IFT172: variants seen among roughly 807,000 people sequenced by gnomAD.
IFT172 encodes the protein intraflagellar transport protein 172 homolog.
A neutral mutation model predicts 248.9 loss-of-function variants in IFT172; 164 were observed. The observed-to-expected ratio is 0.66, with a 90% CI of 0.58 to 0.75. The LOEUF (loss-of-function observed/expected upper bound fraction) is 0.75, where lower values mean the gene tolerates loss of function less well. Ranked by LOEUF, IFT172 falls within the 30% of genes least tolerant of loss-of-function variation. The pLI is 0.00. For synonymous variants in IFT172, 729 were observed against 791.6 expected, an observed-to-expected ratio of 0.92 and a Z score of 1.33; for missense variants, 1,950 against 2,192.4, an observed-to-expected ratio of 0.89 and a Z score of 2.21.
intron 7 of IFT172, 113 bp from the exon 8 acceptor site, chr2:27,481,373 TC>T: frequency 1.3e-6 from 1 of 754,870 alleles, no homozygotes; most frequent in South Asian, 1.7e-5. Flanking sequence ...AGAAATCTCT[TC>T]CAACATTTCC....
intron 5 of IFT172, 104 bp from the exon 6 acceptor site, chr2:27,483,763 T>C: frequency 6.9e-7 from 1 of 1,450,522 alleles, no homozygotes; most frequent in Non-Finnish European, 9.7e-7. Flanking sequence ...TCCCTATGCA[T>C]TCTCCCCAGT....
chr2:27,485,620 T>A lies in IFT172; in HGVS notation c.40-117A>T, dbSNP rs149148535. On this transcript the variant is annotated intron_variant, in intron 1 of 47. Transcript: ENST00000260570. The stretch of plus-strand genomic sequence containing the variant: ...CAATTTTCTTCCTGTCACGGTTCTA[T>A]CCTCAAAACAAAGAGATGCCTGTGG... 2.7e-4 allele frequency: 327 copies of A among 1,225,382 alleles called. 1 individual carries two copies. The African/African-American group carries it at 4.4e-3, about 16-fold the overall frequency. The allele number at this position is 1,225,382 out of a possible 1,614,324, so 75.9% of individuals were successfully genotyped here. A position where few individuals can be genotyped will look rare whatever the true frequency, so the allele number is the denominator to read the frequency against.
chr2:27,487,129 G>C (rs1212478457), intron 1 of IFT172, among the ~76,000 whole-genome samples: 2 of 152,002 alleles, frequency 1.3e-5, no homozygotes, highest in Non-Finnish European at 2.9e-5. Flanking sequence ...ATTTTTGGTA[G>C]AGACATGGTT....
intron 18 of IFT172, among the ~76,000 whole-genome samples, chr2:27,463,853 G>A (rs1666877900): frequency 1.3e-5 from 2 of 152,180 alleles, no homozygotes; most frequent in South Asian, 4.1e-4. Flanking sequence ...GGATGCCAGT[G>A]TGGTTGGAGA....
Position 27,458,798 on chromosome 2 carries a change from C to G in IFT172, c.2858G>C (p.Arg953Pro). ...DAIDMYTQAG[R>P]WEQAHKLAMK... ...CCCTACCTTGTGGGCTTGTTCCCAA[C>G]GACCAGCCTGGGTGTACATGTCTAT... Residue 953 changes from arginine (R) to proline (P), a missense_variant, in exon 26 of 48, where the codon CGT becomes CCT. This residue lies in a region of IFT172 where 1,166 missense variants were observed against 1,254.1 expected (regional missense o/e 0.93). Transcript: ENST00000260570. The G allele has an allele frequency of 6.2e-7, 1 of 1,614,138 alleles. No homozygotes were observed. Among genetic ancestry groups the G allele is most frequent in the Non-Finnish European group, 8.5e-7 (1 of 1,180,016 alleles).
Position 27,465,761 on chromosome 2 carries a change from T to G in IFT172, c.1814A>C (p.Asp605Ala). The G allele has an allele frequency of 6.2e-7, 1 of 1,614,092 alleles. No homozygotes were observed. Among genetic ancestry groups the G allele is most frequent in the Non-Finnish European group, 8.5e-7 (1 of 1,180,026 alleles). The change falls in exon 17 of 48, where the codon GAT becomes GCT. Residue 605 changes from aspartate to alanine, a missense_variant. Physicochemically the swap from Asp to Ala is moderately radical, Grantham distance 126 (BLOSUM62 -2). Coordinates refer to ENST00000260570, the MANE Select transcript of IFT172 (RefSeq NM_015662.3). ...AGCCTCTCACCGGATGTAGTTGCCA[T>G]CATCAATGGCTGTTCCAAACTCGAT... ...GLIEFGTAID[D>A]GNYIRATAFL... is the part of the protein sequence containing the mutation.
At chr2:27,444,951 G>GTTTTTTTTTTTTTTTTT in intron 47 of IFT172, 63 bp downstream of exon 47, 1 of 1,513,340 alleles carries the variant, frequency 6.6e-7, no homozygotes. Context: ...ACCCAGACTT[G>GTTTTTTTTTTTTTTTTT]TTTTTTTTTC....
chr2:27,489,718 G>T lies in IFT172; in HGVS notation c.-65C>A. 8 of 1,297,188 alleles carry T rather than the reference G, an allele frequency of 6.2e-6. No homozygotes were observed. In the South Asian group the frequency reaches 9.8e-5, roughly 16 times the overall value. 80.4% of individuals were successfully genotyped at this position (1,297,188 alleles called of 1,614,324 possible). On this transcript the variant is annotated 5_prime_UTR_variant, in exon 1 of 48. Transcript: ENST00000260570. ...ACTCCCGTGGTTACCTGGACAACCC[G>T]CCACGCAGCCGCAGCGACAGGCACT...
At position 27,445,934 on chromosome 2, in the gene IFT172, T is replaced by A. The variant is rs780339054; in HGVS notation, c.4810A>T (p.Thr1604Ser). 3 of 1,613,996 alleles carry A rather than the reference T, an allele frequency of 1.9e-6. No individual in the cohort carries two copies. The highest frequency in any genetic ancestry group is 2.5e-6 in the Non-Finnish European group (3 of 1,180,018). The change falls in exon 44 of 48, where the codon ACC (threonine) becomes TCC (serine). Residue 1604 changes from threonine (T) to serine (S), a missense_variant. Transcript: ENST00000260570. This position sits in a 1 kb window ranked among gnomAD's most constrained non-coding sequence, Gnocchi z 4.4. ...FIFLNRFLDL[T>S]DAIEEGTLDG... Reference sequence around the variant, plus strand: ...GGCACAGCTTCCCTACTCACATCGGTCAGGTCCAAAAAGCGATTGAGGAAG... The same window carrying A: ...GGCACAGCTTCCCTACTCACATCGGACAGGTCCAAAAAGCGATTGAGGAAG...
intron 23 of IFT172, 93 bp downstream of exon 23, chr2:27,460,922 T>G (rs185761128): frequency 7.5e-7 from 1 of 1,327,020 alleles, no homozygotes; most frequent in African/African-American, 1.4e-5. Flanking sequence ...CACCCACAGG[T>G]GTGTAGGGGC....
intron 16 of IFT172, among the ~76,000 whole-genome samples, chr2:27,466,548 T>C (rs866873011): frequency 6.6e-6 from 1 of 152,096 alleles, no homozygotes; most frequent in South Asian, 2.1e-4. Flanking sequence ...GAATCATCAC[T>C]GGAGGAGAAC....
chr2:27,459,020 A>T, intron 25 of IFT172, 152 bp from the exon 26 acceptor site: 1 of 759,856 alleles, frequency 1.3e-6, no homozygotes, highest in Non-Finnish European at 2.1e-6. Context: ...GGTGTCTCAT[A>T]CATTCTACCA....
At chr2:27,447,426 G>A in intron 42 of IFT172, 89 bp downstream of exon 42, 1 of 1,523,696 alleles carries the variant, frequency 6.6e-7, no homozygotes, top group South Asian at 1.3e-5. Flanking sequence ...AGCCCAAGCT[G>A]AAGAATCCAG....
In IFT172 at chr2:27,445,150, G is replaced by T. The variant is rs767745764; in HGVS notation, c.5069-45C>A. Reference sequence around the variant, plus strand: ...GATGAACTGGGGTTTGAGAGAGATTGAGGAGGGAAAAATGAGGAGCAGCCT... The same window carrying T: ...GATGAACTGGGGTTTGAGAGAGATTTAGGAGGGAAAAATGAGGAGCAGCCT... On this transcript the variant is annotated intron_variant, in intron 46 of 47. Transcript: ENST00000260570. This position sits in a 1 kb window ranked among gnomAD's most constrained non-coding sequence, Gnocchi z 4.4. 1 of 1,609,954 alleles carries T rather than the reference G, an allele frequency of 6.2e-7. No individual in the cohort carries two copies. The highest frequency in any genetic ancestry group is 1.7e-5 in the Admixed American group (1 of 59,388).
intron 14 of IFT172, among the ~76,000 whole-genome samples, chr2:27,473,877 G>A (rs377179536): frequency 9.8e-4 from 147 of 150,174 alleles, no homozygotes; most frequent in African/African-American, 3.5e-3. Flanking sequence ...GCACGATCTC[G>A]GCTCACTGTA....
chr2:27,468,494 A>G (rs1667293918), intron 16 of IFT172, among the ~76,000 whole-genome samples: 1 of 151,978 alleles, frequency 6.6e-6, no homozygotes, highest in Non-Finnish European at 1.5e-5. Flanking sequence ...TCAGCCTCCC[A>G]AAGTGCTGGA....
intron 39 of IFT172, 103 bp from the exon 40 acceptor site, chr2:27,449,134 C>A (rs369539023): frequency 1.8e-6 from 2 of 1,110,614 alleles, no homozygotes; most frequent in South Asian, 1.3e-5. Context: ...AAAGGGTGTA[C>A]GCAAACCTCT....
At position 27,476,542 on chromosome 2, in the gene IFT172, C is replaced by G. The variant is rs1341021513; in HGVS notation, c.1411+99G>C. ...TGGAGTTACTATTTACCTGGTGCGT[C>G]TCAGATTCCTGCATTCCCCACTGAA... On this transcript the variant is annotated intron_variant, in intron 14 of 47. Coordinates refer to ENST00000260570, the MANE Select transcript of IFT172 (RefSeq NM_015662.3). The G allele has an allele frequency of 5.4e-6, 4 of 738,266 alleles. No individual in the cohort carries two copies. The East Asian group carries it at 1.0e-4, about 19-fold the overall frequency. 45.7% of individuals were successfully genotyped at this position (738,266 alleles called of 1,614,324 possible).
intron 23 of IFT172, among the ~76,000 whole-genome samples, 166 bp downstream of exon 23, chr2:27,460,849 T>G (rs1666600057): frequency 6.8e-6 from 1 of 147,148 alleles, no homozygotes; most frequent in East Asian, 2.0e-4. Context: ...CCTTATTTCT[T>G]TCTCTATACT....
Sources: gnomAD v4.1 joint callset for allele counts (sites outside exome capture counted in the v4.1 genomes callset) on GRCh38, gnomAD v4.1.1 for gene constraint, gnomAD v4.1.1 regional missense constraint, Gnocchi (gnomAD v3.1) non-coding constraint, MANE v1.5 for transcripts, NCBI Gene and HGNC (gene_info 2026-07-23, HGNC 2026-07-21) for gene names.